The following PARL variants were observed in gnomAD, a reference collection of about 807,000 sequenced individuals.
PARL encodes presenilin-associated rhomboid-like protein, mitochondrial.
In PARL, 44 loss-of-function variants were observed where a neutral mutation model predicts 51.6. The observed-to-expected ratio is 0.85, with a 90% CI of 0.67 to 1.10. PARL has a LOEUF of 1.10. Ranked by LOEUF, PARL falls within the 50% of genes least tolerant of loss-of-function variation. The pLI is 0.00. For synonymous variants in PARL, 172 were observed against 164.0 expected (o/e 1.05, Z -0.37); for missense variants, 441 against 469.5 (o/e 0.94, Z 0.56).
At chr3:183,826,861 A>T, downstream of PARL, 13 of 751,802 alleles carry the variant, frequency 1.7e-5, no homozygotes, top group Non-Finnish European at 2.1e-5. Flanking sequence ...AAAAGAGAGC[A>T]GCTCTCTTTT....
At chr3:183,833,037 C>T (rs915840533) in intron 9 of PARL, among the ~76,000 whole-genome samples, 1 of 152,170 alleles carries the variant, frequency 6.6e-6, no homozygotes, top group Non-Finnish European at 1.5e-5. Flanking sequence ...TTGCAGTCAC[C>T]GGCCTCTACT....
At chr3:183,867,284 T>C (rs374708518) in intron 2 of PARL, among the ~76,000 whole-genome samples, 1 of 152,118 alleles carries the variant, frequency 6.6e-6, no homozygotes, top group Non-Finnish European at 1.5e-5. Context: ...CTATAAATCC[T>C]CAAATAAAAC....
At chr3:183,830,457 T>C (rs1424325996) in intron 9 of PARL, among the ~76,000 whole-genome samples, 1 of 152,072 alleles carries the variant, frequency 6.6e-6, no homozygotes, top group Non-Finnish European at 1.5e-5. Flanking sequence ...CACTGCGCTC[T>C]GGGAAGGGCC....
Position 183,829,559 on chromosome 3 carries a change from G to A in PARL, c.*39C>T, listed in dbSNP as rs763027946. On this transcript the variant is annotated 3_prime_UTR_variant, in exon 10 of 10. Coordinates refer to ENST00000317096, the MANE Select transcript of PARL (RefSeq NM_018622.7). ...CCGATGTCTCCTGGGGCTCTCAGGC[G>A]GCAAGGACCAGATGCACCACTACTG... 3.2e-5 allele frequency: 51 copies of A among 1,614,048 alleles called. No homozygotes were observed. The highest frequency in any genetic ancestry group is 3.3e-4 in the Middle Eastern group (2 of 6,062).
downstream of PARL, among the ~76,000 whole-genome samples, chr3:183,828,289 G>A (rs1727571592): frequency 6.6e-6 from 1 of 152,250 alleles, no homozygotes; most frequent in South Asian, 2.1e-4. Context: ...TTGGGCTCTA[G>A]AGGGAATGTC....
At chr3:183,829,269 G>A, downstream of PARL, 1 of 505,260 alleles carries the variant, frequency 2.0e-6, no homozygotes, top group Non-Finnish European at 3.2e-6. Context: ...CAGGCAACCA[G>A]CGCCTTCATG....
intron 7 of PARL, among the ~76,000 whole-genome samples, chr3:183,838,026 C>CTT (rs112834345): frequency 0.49 from 70,979 of 145,550 alleles, 17,710 homozygotes; most frequent in East Asian, 0.71. Flanking sequence ...ATTCAACTTT[C>CTT]TTTTTTTTTT....
At chr3:183,828,295 A>C (rs263004), downstream of PARL, among the ~76,000 whole-genome samples, 75,192 of 152,132 alleles carry the variant, frequency 0.49, 19,234 homozygotes, top group Middle Eastern at 0.58. Flanking sequence ...TCTAGAGGGA[A>C]TGTCCCTATG....
Position 183,864,868 on chromosome 3 carries a change from T to C in PARL, c.462+1757A>G, listed in dbSNP as rs183110495. Reference sequence around the variant, plus strand: ...AGAAAGAGGGCCATCGACTTGCATATAAAGTAAATGAAAAGCTCTAAAAGC... The same window carrying C: ...AGAAAGAGGGCCATCGACTTGCATACAAAGTAAATGAAAAGCTCTAAAAGC... On this transcript the variant is annotated intron_variant, in intron 3 of 9. Coordinates refer to ENST00000317096, the MANE Select transcript of PARL (RefSeq NM_018622.7). 8.8e-4 allele frequency among the ~76,000 whole-genome samples: 131 copies of C among 148,534 alleles called. No homozygotes were observed. In the Middle Eastern group the frequency reaches 0.018, roughly 20 times the overall value.
chr3:183,846,559 ACTG>A, intron 4 of PARL: 1 of 985,402 alleles, frequency 1.0e-6, no homozygotes, highest in Non-Finnish European at 1.2e-6. Flanking sequence ...AAGAGTTAAC[ACTG>A]CTAAGTTTTC....
At chr3:183,831,004 T>C (rs1224142770) in intron 9 of PARL, among the ~76,000 whole-genome samples, 2 of 152,098 alleles carry the variant, frequency 1.3e-5, no homozygotes, top group Admixed American at 6.6e-5. Context: ...TTAGACAGAG[T>C]CGCGCTCTGT....
chr3:183,875,889 G>A (rs1465962942), intron 1 of PARL, among the ~76,000 whole-genome samples: 2 of 152,164 alleles, frequency 1.3e-5, no homozygotes, highest in Non-Finnish European at 2.9e-5. Flanking sequence ...AATGCTGTTG[G>A]TGACTAAGTT....
chr3:183,842,513 A>G, intron 5 of PARL, 66 bp from the exon 6 acceptor site: 2 of 1,512,672 alleles, frequency 1.3e-6, no homozygotes, highest in African/African-American at 2.7e-5. Flanking sequence ...TATCCATTTT[A>G]AACTTTTAAA....
chr3:183,874,663 C>T (rs1225401699), intron 1 of PARL, among the ~76,000 whole-genome samples: 1 of 152,176 alleles, frequency 6.6e-6, no homozygotes, highest in Non-Finnish European at 1.5e-5. Context: ...CCGCTTCGGC[C>T]TCCCAAAGTG....
At position 183,844,267 on chromosome 3, in the gene PARL, T is replaced by C. The variant is rs1252297667; in HGVS notation, c.571A>G (p.Thr191Ala). 6.2e-7 allele frequency: 1 copy of C among 1,608,838 alleles called. No individual in the cohort carries two copies. The highest frequency in any genetic ancestry group is 1.3e-5 in the African/African-American group (1 of 74,816). ...CLWRVPSLQR[T>A]MIRYFTSNPA... ...TTCGATGTGAAATATCTGATCATTG[T>C]CCGCTGCAGAGAAGGTACTCTCCAT... Residue 191 changes from threonine to alanine, a missense_variant, in exon 5 of 10, where the codon ACA becomes GCA. By Grantham distance (58) the Thr-to-Ala change is moderately conservative. Coordinates refer to ENST00000317096, the MANE Select transcript of PARL (RefSeq NM_018622.7).
chr3:183,833,626 T>C (rs1348902051), intron 8 of PARL, 37 bp from the exon 9 acceptor site: 10 of 1,519,180 alleles, frequency 6.6e-6, no homozygotes, highest in East Asian at 4.5e-5. Flanking sequence ...ACAACTGTGA[T>C]TGCTCCAGCA....
chr3:183,840,557 T>G lies in PARL; in HGVS notation c.828+13A>C. ...AAATTAAATTAAAAAAAATTTACAA[T>G]AGAAATACTTACTGCACCAAGTGAT... On this transcript the variant is annotated intron_variant, in intron 7 of 9. Transcript: ENST00000317096. The G allele has an allele frequency of 7.7e-7, 1 of 1,292,252 alleles. No individual in the cohort carries two copies. The highest frequency in any genetic ancestry group is 2.3e-5 in the East Asian group (1 of 42,988). The allele number at this position is 1,292,252 out of a possible 1,614,324, so 80.0% of individuals were successfully genotyped here.
intron 1 of PARL, among the ~76,000 whole-genome samples, chr3:183,881,447 G>A (rs1028216811): frequency 6.6e-6 from 1 of 152,168 alleles, no homozygotes; most frequent in Non-Finnish European, 1.5e-5. Context: ...AGAGTGCAAC[G>A]GTAAAGACAA....
chr3:183,839,031 T>A (rs1246019330), intron 7 of PARL, among the ~76,000 whole-genome samples: 2 of 152,164 alleles, frequency 1.3e-5, no homozygotes, highest in Admixed American at 6.5e-5. Context: ...AGCTGTTGAA[T>A]GAGGTAGACA....
Sources: gnomAD v4.1 joint callset for allele counts (sites outside exome capture counted in the v4.1 genomes callset) on GRCh38, gnomAD v4.1.1 for gene constraint, MANE v1.5 for transcripts, NCBI Gene and HGNC (gene_info 2026-07-23, HGNC 2026-07-21) for gene names.